Variants in TNRC6A observed in about 807,000 individuals in gnomAD.
The protein encoded by TNRC6A is trinucleotide repeat-containing gene 6A protein.
TNRC6A carries 44 observed loss-of-function variants against 221.2 expected under a neutral mutation model. The observed-to-expected ratio is 0.20, with a 90% CI of 0.16 to 0.26. The LOEUF is 0.26. Ranked by LOEUF, TNRC6A falls within the 10% of genes least tolerant of loss-of-function variation. The pLI is 1.00. For synonymous variants in TNRC6A, 847 were observed against 838.5 expected, an observed-to-expected ratio of 1.01 and a Z score of -0.18; for missense variants, 2,199 against 2,404.4, an observed-to-expected ratio of 0.91 and a Z score of 1.79.
At chr16:24,630,367 A>G (rs1901270028) in intron 1 of TNRC6A, among the ~76,000 whole-genome samples, 1 of 152,098 alleles carries the variant, frequency 6.6e-6, no homozygotes, top group South Asian at 2.1e-4. Flanking sequence ...GCTATCTTTA[A>G]AAACACAAAG....
chr16:24,750,546 C>T (rs1412840558), intron 2 of TNRC6A, among the ~76,000 whole-genome samples, 180 bp from the exon 3 acceptor site: 2 of 151,828 alleles, frequency 1.3e-5, no homozygotes. Flanking sequence ...GTGAATTGTA[C>T]CATATAGTGG....
At chr16:24,717,767 TTTC>T in intron 2 of TNRC6A, among the ~76,000 whole-genome samples, 1 of 134,934 alleles carries the variant, frequency 7.4e-6, no homozygotes, top group Non-Finnish European at 1.6e-5. Flanking sequence ...TCTTTTTTTT[TTTC>T]TTTTTTTTTT....
rs756494338 is a variant in TNRC6A at position 24,789,639 on chromosome 16, A to G, written c.997A>G (p.Ser333Gly). The G allele has an allele frequency of 6.2e-6, 10 of 1,614,176 alleles. No homozygotes were observed. Among genetic ancestry groups the G allele is most frequent in the Non-Finnish European group, 8.5e-6 (10 of 1,180,052 alleles). The change falls in exon 6 of 25, where the codon AGC becomes GGC. Residue 333 changes from serine (S) to glycine (G), a missense_variant. By Grantham distance (56) the Ser-to-Gly change is moderately conservative. Transcript: ENST00000395799. ...TCAGGTCTCTGTGGATGCTCCTGAA[A>G]GCAAATCTGAAAGTAGCAACAATAG... ...TCQVSVDAPE[S>G]KSESSNNRMN...
chr16:24,662,804 T>C (rs920588453), intron 2 of TNRC6A: 5 of 153,738 alleles, frequency 3.3e-5, no homozygotes, highest in African/African-American at 1.2e-4. Context: ...ATTCTGGCAA[T>C]AGAATAACTC....
In TNRC6A at chr16:24,770,050, C is replaced by T. The variant is rs1294246685; in HGVS notation, c.164-6883C>T. Among the ~76,000 whole-genome samples the T allele has an allele frequency of 3.9e-5, 6 of 152,130 alleles. No homozygotes were observed. In the East Asian group the frequency reaches 1.2e-3, roughly 29 times the overall value. ...GAATAGAGGAGGGCAATCTGGTTGT[C>T]ATAACATAACATGCTTCTAAGATAC... On this transcript the variant is annotated intron_variant, in intron 4 of 24. Transcript: ENST00000395799.
intron 1 of TNRC6A, among the ~76,000 whole-genome samples, chr16:24,624,396 T>C (rs1051889453): frequency 6.6e-6 from 1 of 152,234 alleles, no homozygotes; most frequent in Admixed American, 6.5e-5. Flanking sequence ...TTTTGTCATC[T>C]ACCTTCCTTG....
At chr16:24,762,016 G>C (rs868591010) in intron 4 of TNRC6A, among the ~76,000 whole-genome samples, 3 of 152,236 alleles carry the variant, frequency 2.0e-5, no homozygotes, top group East Asian at 3.9e-4. Context: ...TCATGAGCAA[G>C]GTATCTTCCA....
At chr16:24,665,023 G>T (rs1278961674) in intron 2 of TNRC6A, 1 of 455,474 alleles carries the variant, frequency 2.2e-6, no homozygotes, top group Non-Finnish European at 4.4e-6. Flanking sequence ...TGGAGAGGCT[G>T]ATCTGATGAG....
chr16:24,701,792 A>C (rs2055982862), intron 2 of TNRC6A, among the ~76,000 whole-genome samples: 1 of 152,174 alleles, frequency 6.6e-6, no homozygotes, highest in Non-Finnish European at 1.5e-5. Context: ...CATTCTCTGC[A>C]CCATCAACTA....
At chr16:24,796,187 G>A in intron 9 of TNRC6A, 1 of 416,340 alleles carries the variant, frequency 2.4e-6, no homozygotes, top group East Asian at 3.6e-5. Context: ...AAGGAAGATA[G>A]TAGCCCAACA....
intron 21 of TNRC6A, 30 bp downstream of exon 21, chr16:24,818,730 G>C (rs764115000): frequency 6.4e-7 from 1 of 1,569,716 alleles, no homozygotes; most frequent in Admixed American, 1.7e-5. Flanking sequence ...AGGAAGGGAG[G>C]GTTGGTCACA....
At chr16:24,806,944 T>A (rs902204528) in intron 17 of TNRC6A, among the ~76,000 whole-genome samples, 160 bp downstream of exon 17, 4 of 152,108 alleles carry the variant, frequency 2.6e-5, no homozygotes, top group Admixed American at 2.6e-4. Flanking sequence ...AGTTTTAACC[T>A]GCTCCACATT....
intron 5 of TNRC6A, among the ~76,000 whole-genome samples, chr16:24,784,608 T>G (rs2057927298): frequency 6.6e-6 from 1 of 152,204 alleles, no homozygotes; most frequent in Non-Finnish European, 1.5e-5. Context: ...AGGCATGAGC[T>G]AGAATGCCAA....
intron 2 of TNRC6A, among the ~76,000 whole-genome samples, chr16:24,675,635 C>T (rs1173937683): frequency 1.4e-5 from 2 of 144,410 alleles, no homozygotes. Context: ...GAGGTGAGAT[C>T]ACACCACTGC....
intron 1 of TNRC6A, among the ~76,000 whole-genome samples, chr16:24,614,090 T>C (rs539083999): frequency 7.1e-4 from 108 of 152,172 alleles, no homozygotes; most frequent in Non-Finnish European, 1.1e-3. Flanking sequence ...AGTTGGTTGT[T>C]CGTGGATGAT....
In TNRC6A at chr16:24,767,724, A is replaced by T. The variant is rs115812494; in HGVS notation, c.164-9209A>T. ...TTTGGGACTTTTTTCCTAATTTAAA[A>T]AATCAACTAACCATTCTGTATTTCT... On this transcript the variant is annotated intron_variant, in intron 4 of 24. Coordinates refer to ENST00000395799, the MANE Select transcript of TNRC6A (RefSeq NM_014494.4). 8.6e-3 allele frequency among the ~76,000 whole-genome samples: 1,308 copies of T among 152,310 alleles called. 22 individuals are homozygous for T. Among genetic ancestry groups the T allele is most frequent in the African/African-American group, 0.03 (1,242 of 41,580 alleles).
intron 2 of TNRC6A, among the ~76,000 whole-genome samples, chr16:24,693,326 C>T (rs1242215486): frequency 6.6e-6 from 1 of 152,076 alleles, no homozygotes; most frequent in Non-Finnish European, 1.5e-5. Context: ...GTAGCTCACG[C>T]CTGGAATCCC....
intron 5 of TNRC6A, among the ~76,000 whole-genome samples, chr16:24,779,547 TTATTAA>T (rs1458187590): frequency 1.3e-5 from 2 of 152,194 alleles, no homozygotes; most frequent in Non-Finnish European, 2.9e-5. Flanking sequence ...TCCTACCAAG[TTATTAA>T]TATTAATAAC....
chr16:24,764,566 G>A (rs527714586), intron 4 of TNRC6A, among the ~76,000 whole-genome samples: 7 of 151,774 alleles, frequency 4.6e-5, no homozygotes, highest in Admixed American at 3.3e-4. Flanking sequence ...CAAATGATCC[G>A]CCCACCTAGC....
Sources: gnomAD v4.1 joint callset for allele counts (sites outside exome capture counted in the v4.1 genomes callset) on GRCh38, gnomAD v4.1.1 for gene constraint, MANE v1.5 for transcripts, NCBI Gene and HGNC (gene_info 2026-07-23, HGNC 2026-07-21) for gene names.